The following TTC29 variants were observed in gnomAD, a reference collection of about 807,000 sequenced individuals.
TTC29 encodes the protein tetratricopeptide repeat domain 29, also known as tetratricopeptide repeat protein 29.
A neutral mutation model predicts 58.1 loss-of-function variants in TTC29; 49 were observed. That is an observed-to-expected ratio of 0.84 (90% confidence interval 0.67 to 1.07). The LOEUF (loss-of-function observed/expected upper bound fraction) is 1.07, where lower values mean the gene tolerates loss of function less well. Ranked by LOEUF, TTC29 falls within the 50% of genes least tolerant of loss-of-function variation. The probability of loss-of-function intolerance (pLI) is 0.00; values close to 1 mark genes in which losing one functional copy is unlikely to be tolerated. For synonymous variants in TTC29, 209 were observed against 196.8 expected (o/e 1.06, Z -0.52); for missense variants, 582 against 555.6 (o/e 1.05, Z -0.48).
rs143888765 is a variant in TTC29, at chr4:146,794,406, G to A, written c.1330+9051C>T. Among the ~76,000 whole-genome samples the A allele has an allele frequency of 4.4e-3, 677 of 152,222 alleles. 5 individuals are homozygous for A. Among genetic ancestry groups the A allele is most frequent in the Non-Finnish European group, 7.4e-3 (506 of 67,958 alleles). On this transcript the variant is annotated intron_variant, in intron 11 of 12. Transcript: ENST00000325106. ...TAGTAGCTAAAGGATGAATGTGATA[G>A]CTTCCTCTTGCATAGTTTATTTCCC... is the stretch of plus-strand genomic sequence containing the variant.
intron 2 of TTC29, among the ~76,000 whole-genome samples, chr4:146,940,859 G>C (rs998910056): frequency 6.6e-6 from 1 of 152,168 alleles, no homozygotes; most frequent in African/African-American, 2.4e-5. Flanking sequence ...AAGTCACATA[G>C]CATCCACTTC....
At chr4:146,841,795 G>A (rs1728867822) in intron 8 of TTC29, among the ~76,000 whole-genome samples, 1 of 151,938 alleles carries the variant, frequency 6.6e-6, no homozygotes, top group South Asian at 2.1e-4. Flanking sequence ...GTGTTCTACT[G>A]AGCTGACTGA....
chr4:146,799,728 C>A (rs1266010503), intron 11 of TTC29, among the ~76,000 whole-genome samples: 1 of 152,116 alleles, frequency 6.6e-6, no homozygotes, highest in East Asian at 1.9e-4. Context: ...TACATGAAAA[C>A]CATGTTACTG....
At chr4:146,810,610 G>A (rs1316817419) in intron 10 of TTC29, among the ~76,000 whole-genome samples, 1 of 28,096 alleles carries the variant, frequency 3.6e-5, no homozygotes, top group Non-Finnish European at 7.5e-5. Context: ...TTTTTTTTTT[G>A]AGGTGGACTC....
chr4:146,916,246 T>C (rs938922801), intron 4 of TTC29, among the ~76,000 whole-genome samples: 10 of 151,614 alleles, frequency 6.6e-5, no homozygotes, highest in Admixed American at 2.0e-4. Context: ...ATTATATGAG[T>C]TGTTTATGTT....
At chr4:146,743,539 G>T (rs1390495628) in intron 11 of TTC29, among the ~76,000 whole-genome samples, 1 of 152,180 alleles carries the variant, frequency 6.6e-6, no homozygotes, top group Non-Finnish European at 1.5e-5. Flanking sequence ...AGCATGGAAT[G>T]TAAGACACTC....
At chr4:146,882,474 T>C (rs1051692169) in intron 6 of TTC29, among the ~76,000 whole-genome samples, 13 of 150,944 alleles carry the variant, frequency 8.6e-5, no homozygotes, top group African/African-American at 3.0e-4. Flanking sequence ...TAAATTGTTT[T>C]ACTTTAATGT....
At chr4:146,837,038 T>G (rs997319024) in intron 8 of TTC29, among the ~76,000 whole-genome samples, 2 of 152,066 alleles carry the variant, frequency 1.3e-5, no homozygotes, top group Non-Finnish European at 2.9e-5. Flanking sequence ...TAAAGACACA[T>G]GCATGCAAAT....
At chr4:146,830,012 C>T (rs1405213769) in intron 9 of TTC29, among the ~76,000 whole-genome samples, 2 of 152,090 alleles carry the variant, frequency 1.3e-5, no homozygotes, top group Non-Finnish European at 2.9e-5. Flanking sequence ...TTTACTCAAA[C>T]TGTCTGTCTG....
intron 10 of TTC29, among the ~76,000 whole-genome samples, chr4:146,813,786 C>T (rs1002951999): frequency 6.6e-6 from 1 of 152,100 alleles, no homozygotes; most frequent in African/African-American, 2.4e-5. Flanking sequence ...GAGTTCGAGA[C>T]GAACCTGGCC....
At chr4:146,891,120 G>C (rs748284047) in intron 6 of TTC29, among the ~76,000 whole-genome samples, 10 of 152,156 alleles carry the variant, frequency 6.6e-5, no homozygotes, top group Non-Finnish European at 1.0e-4. Flanking sequence ...GATGAGTAGA[G>C]CAGAGCCAAA....
intron 5 of TTC29, among the ~76,000 whole-genome samples, chr4:146,908,179 G>A (rs944175568): frequency 6.6e-6 from 1 of 152,096 alleles, no homozygotes; most frequent in African/African-American, 2.4e-5. Flanking sequence ...AGCCTGAAAT[G>A]ACATGTAGAC....
chr4:146,807,773 G>A (rs906453718), intron 10 of TTC29, among the ~76,000 whole-genome samples: 2 of 152,212 alleles, frequency 1.3e-5, no homozygotes, highest in Non-Finnish European at 2.9e-5. Flanking sequence ...AAAAAGCCCA[G>A]GACCAGACAG....
intron 11 of TTC29, among the ~76,000 whole-genome samples, chr4:146,727,894 T>C (rs1281258554): frequency 2.0e-5 from 3 of 152,196 alleles, no homozygotes; most frequent in Non-Finnish European, 4.4e-5. Context: ...CAAGAGTACA[T>C]TTAGTTTTAT....
At chr4:146,715,130 G>A (rs995441963) in intron 11 of TTC29, among the ~76,000 whole-genome samples, 5 of 150,778 alleles carry the variant, frequency 3.3e-5, no homozygotes, top group Admixed American at 3.3e-4. Flanking sequence ...GAGCTAACAT[G>A]CCTGGCCTAT....
At chr4:146,810,119 T>C (rs1750912550) in intron 10 of TTC29, among the ~76,000 whole-genome samples, 1 of 152,156 alleles carries the variant, frequency 6.6e-6, no homozygotes, top group African/African-American at 2.4e-5. Flanking sequence ...TTTATGGACA[T>C]GGATGAAGCT....
chr4:146,725,846 C>G (rs894150546), intron 11 of TTC29, among the ~76,000 whole-genome samples: 1 of 152,098 alleles, frequency 6.6e-6, no homozygotes, highest in Admixed American at 6.5e-5. Context: ...TACATATCAA[C>G]TTGAATAGAG....
intron 11 of TTC29, among the ~76,000 whole-genome samples, chr4:146,721,790 A>G (rs1743379281): frequency 6.6e-6 from 1 of 152,182 alleles, no homozygotes; most frequent in African/African-American, 2.4e-5. Context: ...AAAATTAGTT[A>G]TGTAAGGAAG....
Position 146,735,651 on chromosome 4 carries a change from G to A in TTC29, c.1331-28100C>T, listed in dbSNP as rs545406911. Among the ~76,000 whole-genome samples the A allele has an allele frequency of 1.4e-3, 217 of 152,254 alleles. 3 individuals are homozygous for A. Among genetic ancestry groups the A allele is most frequent in the East Asian group, 2.1e-3 (11 of 5,166 alleles). The stretch of plus-strand genomic sequence containing the variant: ...GACAGCTGATATACTTTCTATGTAA[G>A]CCATGGGCGACTGGCTTTATCATGA... On this transcript the variant is annotated intron_variant, in intron 11 of 12. Transcript: ENST00000325106.
Sources: allele counts gnomAD v4.1 joint callset (sites outside exome capture counted in the v4.1 genomes callset), GRCh38; gene constraint gnomAD v4.1.1; transcripts MANE v1.5; gene names NCBI Gene and HGNC (gene_info 2026-07-23, HGNC 2026-07-21).